ZNF438: variants seen among roughly 807,000 people sequenced by gnomAD.
ZNF438 encodes zinc finger protein 438.
ZNF438 carries 25 observed loss-of-function variants against 38.0 expected under a neutral mutation model. The observed-to-expected ratio is 0.66, with a 90% CI of 0.48 to 0.92. ZNF438 has a LOEUF of 0.92. Ranked by LOEUF, ZNF438 falls within the 40% of genes least tolerant of loss-of-function variation. ZNF438 has a pLI of 0.00. For synonymous variants in ZNF438, 372 were observed against 364.1 expected, an observed-to-expected ratio of 1.02 and a Z score of -0.25; for missense variants, 1,007 against 999.6, an observed-to-expected ratio of 1.01 and a Z score of -0.10.
intron 1 of ZNF438, among the ~76,000 whole-genome samples, chr10:30,989,354 G>A (rs999668989): frequency 1.3e-5 from 2 of 152,150 alleles, no homozygotes; most frequent in East Asian, 1.9e-4. Flanking sequence ...TAGAGAGAAA[G>A]GGTTTTATTT....
chr10:30,990,238 T>C (rs1182164250), intron 1 of ZNF438, among the ~76,000 whole-genome samples: 1 of 152,102 alleles, frequency 6.6e-6, no homozygotes, highest in African/African-American at 2.4e-5. Context: ...TCTGGGTAAC[T>C]GAATAAGAAA....
At position 30,892,336 on chromosome 10, in the gene ZNF438, G is replaced by GT. The variant is rs555221201; in HGVS notation, c.-31-15272dup. Among the ~76,000 whole-genome samples, 342 of 129,818 alleles carry GT rather than the reference G, an allele frequency of 2.6e-3. 3 individuals are homozygous for GT. The Middle Eastern group carries it at 0.046, about 17-fold the overall frequency. The allele number at this position is 129,818 out of a possible 152,430, so 85.2% of individuals were successfully genotyped here. ...TAACTAATAAGAAAATACAACAATT[G>GT]TAACAACATATAATGTGTGAATGTG... On this transcript the variant is annotated intron_variant, in intron 3 of 5. Transcript: ENST00000413025.
chr10:30,910,623 T>C (rs2042980563), intron 2 of ZNF438, among the ~76,000 whole-genome samples: 1 of 150,972 alleles, frequency 6.6e-6, no homozygotes, highest in Non-Finnish European at 1.5e-5. Context: ...TATGTTAGTA[T>C]TGATATAGCA....
At chr10:30,849,360 G>T in exon 5 of ZNF438, 1 of 1,614,224 alleles carries the variant, frequency 6.2e-7, no homozygotes, top group Non-Finnish European at 8.5e-7. Flanking sequence ...GACACTTGTG[G>T]AACAGGTAGC....
At chr10:30,894,576 G>C (rs1216243633) in intron 3 of ZNF438, among the ~76,000 whole-genome samples, 2 of 152,058 alleles carry the variant, frequency 1.3e-5, no homozygotes, top group Non-Finnish European at 2.9e-5. Flanking sequence ...GGGTGGGGAA[G>C]AAAAATTAGG....
intron 1 of ZNF438, among the ~76,000 whole-genome samples, chr10:31,017,132 T>C (rs2056256701): frequency 6.6e-6 from 1 of 152,128 alleles, no homozygotes; most frequent in Non-Finnish European, 1.5e-5. Context: ...ATTCTGAAAA[T>C]AAAAGAATAG....
At chr10:30,980,524 C>A (rs1461251088) in intron 1 of ZNF438, among the ~76,000 whole-genome samples, 3 of 152,194 alleles carry the variant, frequency 2.0e-5, no homozygotes, top group African/African-American at 7.2e-5. Context: ...CCTGGAACAA[C>A]TGGGTATATC....
rs781500583 is a variant in ZNF438, at chr10:30,878,820, C to T, written c.-31-1755G>A. ...AAAGCAGCCAGCCTGAACCCACTCG[C>T]TTGCTCACGTGCTCCCTCCTGCAAG... is the stretch of plus-strand genomic sequence containing the variant. On this transcript the variant is annotated intron_variant, in intron 3 of 5. Transcript: ENST00000413025. Among the ~76,000 whole-genome samples, 7 of 152,286 alleles carry T rather than the reference C, an allele frequency of 4.6e-5. No homozygotes were observed. In the East Asian group the frequency reaches 7.7e-4, roughly 17 times the overall value.
At chr10:31,001,940 G>C (rs922083445) in intron 1 of ZNF438, among the ~76,000 whole-genome samples, 2 of 152,182 alleles carry the variant, frequency 1.3e-5, no homozygotes, top group African/African-American at 4.8e-5. Context: ...AGTGCTCATT[G>C]GCAGGGCTGA....
intron 4 of ZNF438, among the ~76,000 whole-genome samples, chr10:30,855,579 T>G (rs561785346): frequency 6.6e-6 from 1 of 152,220 alleles, no homozygotes; most frequent in African/African-American, 2.4e-5. Context: ...AATGTGTTAG[T>G]AGAAATGCAA....
chr10:31,020,192 GA>G (rs1348071801), intron 1 of ZNF438, among the ~76,000 whole-genome samples: 1 of 152,084 alleles, frequency 6.6e-6, no homozygotes, highest in Non-Finnish European at 1.5e-5. Flanking sequence ...TTTTTCCTAG[GA>G]ATTTTAAGTA....
intron 4 of ZNF438, among the ~76,000 whole-genome samples, chr10:30,875,079 G>C (rs1428784690): frequency 6.6e-6 from 1 of 152,162 alleles, no homozygotes; most frequent in Non-Finnish European, 1.5e-5. Context: ...TCAAATTCCA[G>C]GATTGGGCTT....
chr10:30,912,596 T>C (rs978058614), intron 2 of ZNF438, among the ~76,000 whole-genome samples: 1 of 152,092 alleles, frequency 6.6e-6, no homozygotes, highest in African/African-American at 2.4e-5. Flanking sequence ...TGTAGGTCCA[T>C]ATCTGTCTAC....
chr10:30,865,164 C>T (rs373366866), intron 4 of ZNF438, among the ~76,000 whole-genome samples: 1 of 152,194 alleles, frequency 6.6e-6, no homozygotes, highest in Non-Finnish European at 1.5e-5. Context: ...AAAGAAAGAT[C>T]TTTTTGAACA....
intron 2 of ZNF438, among the ~76,000 whole-genome samples, chr10:30,910,770 T>C (rs1003791880): frequency 2.6e-5 from 4 of 151,736 alleles, no homozygotes; most frequent in African/African-American, 9.7e-5. Flanking sequence ...TCTTAGTATG[T>C]TCTTTAGAAT....
chr10:30,895,938 T>G (rs12254641), intron 3 of ZNF438, among the ~76,000 whole-genome samples: 2 of 152,138 alleles, frequency 1.3e-5, no homozygotes, highest in Non-Finnish European at 2.9e-5. Flanking sequence ...GAATACTGTA[T>G]AGCAGTACCT....
At chr10:31,027,039 CAAT>C (rs1168871657) in intron 1 of ZNF438, among the ~76,000 whole-genome samples, 2 of 145,514 alleles carry the variant, frequency 1.4e-5, no homozygotes, top group Non-Finnish European at 3.0e-5. Context: ...GGGAATTGAA[CAAT>C]GAGAACACTT....
rs370328422 is a variant in ZNF438 at position 31,024,484 on chromosome 10, C to A, written c.-192+7349G>T. Among the ~76,000 whole-genome samples, 33 of 152,224 alleles carry A rather than the reference C, an allele frequency of 2.2e-4. No individual in the cohort carries two copies. In the East Asian group the frequency reaches 6.2e-3, roughly 29 times the overall value. On this transcript the variant is annotated intron_variant, in intron 1 of 5. Transcript: ENST00000413025. ...TACTAAAAAAATACAAAAAATTAGCCGGGCTTGGTGGCGGGTGCCTGCAGT... is the reference window on the plus strand; with the variant it reads ...TACTAAAAAAATACAAAAAATTAGCAGGGCTTGGTGGCGGGTGCCTGCAGT...
intron 1 of ZNF438, among the ~76,000 whole-genome samples, chr10:31,016,694 T>G (rs2642190): frequency 0.75 from 113,814 of 152,120 alleles, 43,211 homozygotes; most frequent in African/African-American, 0.83. Flanking sequence ...CTAACAAGCC[T>G]CTTTTTTAAT....
Sources: allele counts gnomAD v4.1 joint callset (sites outside exome capture counted in the v4.1 genomes callset), GRCh38; gene constraint gnomAD v4.1.1; transcripts MANE v1.5; gene names NCBI Gene and HGNC (gene_info 2026-07-23, HGNC 2026-07-21).